GNA14: variants seen among roughly 807,000 people sequenced by gnomAD.
The protein encoded by GNA14 is guanine nucleotide-binding protein subunit alpha-14.
In GNA14, 50 loss-of-function variants were observed where a neutral mutation model predicts 42.0. The observed-to-expected ratio is 1.19, with a 90% CI of 0.95 to 1.51. The LOEUF (loss-of-function observed/expected upper bound fraction) is 1.51, where lower values mean the gene tolerates loss of function less well. GNA14 is among the 40% of genes most tolerant of loss of function. The pLI is 0.00. For missense variants in GNA14, 473 were observed against 446.2 expected, an observed-to-expected ratio of 1.06 and a Z score of -0.54; for synonymous variants, 173 against 163.1, an observed-to-expected ratio of 1.06 and a Z score of -0.46.
chr9:77,590,337 C>G (rs1014850619), intron 1 of GNA14, among the ~76,000 whole-genome samples: 1 of 152,192 alleles, frequency 6.6e-6, no homozygotes, highest in Non-Finnish European at 1.5e-5. Context: ...CTGAAGGGGA[C>G]TGATGTGTTC....
intron 2 of GNA14, among the ~76,000 whole-genome samples, chr9:77,480,916 G>A (rs554522079): frequency 1.1e-3 from 172 of 152,074 alleles, no homozygotes; most frequent in African/African-American, 3.8e-3. Flanking sequence ...TTTTTTTATT[G>A]CGTCTATTTG....
chr9:77,509,080 C>T (rs1837118986), intron 2 of GNA14, among the ~76,000 whole-genome samples: 1 of 152,150 alleles, frequency 6.6e-6, no homozygotes, highest in East Asian at 1.9e-4. Context: ...AAACTCTGTA[C>T]TCATTTGGTA....
At chr9:77,540,457 T>A (rs761163227) in intron 1 of GNA14, among the ~76,000 whole-genome samples, 33 of 152,286 alleles carry the variant, frequency 2.2e-4, no homozygotes, top group African/African-American at 7.9e-4. Context: ...AGTTGCTGGA[T>A]AAAATGTTTT....
intron 1 of GNA14, among the ~76,000 whole-genome samples, chr9:77,569,673 A>G (rs895970722): frequency 6.6e-6 from 1 of 152,120 alleles, no homozygotes; most frequent in African/African-American, 2.4e-5. Context: ...CCCGGGTTCA[A>G]TATTTCAGGG....
At chr9:77,450,613 G>A (rs936073939) in intron 2 of GNA14, among the ~76,000 whole-genome samples, 7 of 151,568 alleles carry the variant, frequency 4.6e-5, no homozygotes, top group Non-Finnish European at 8.8e-5. Context: ...ATCTGAGATC[G>A]AACAAGCTCT....
intron 2 of GNA14, chr9:77,517,992 T>C (rs1015756153): frequency 3.3e-5 from 5 of 152,130 alleles, no homozygotes; most frequent in South Asian, 2.1e-4. Flanking sequence ...ATGTATAACA[T>C]TGTACTTAAT....
intron 2 of GNA14, among the ~76,000 whole-genome samples, chr9:77,458,225 C>G (rs1338355137): frequency 6.6e-6 from 1 of 152,188 alleles, no homozygotes; most frequent in African/African-American, 2.4e-5. Context: ...TCTTAGGGAC[C>G]CGCTTCTTCC....
intron 1 of GNA14, among the ~76,000 whole-genome samples, chr9:77,567,772 C>T (rs571409893): frequency 1.3e-5 from 2 of 152,286 alleles, no homozygotes; most frequent in South Asian, 2.1e-4. Context: ...GAGGCTGAGA[C>T]AGGAGAATCG....
chr9:77,443,948 C>T (rs1835775621), intron 2 of GNA14, among the ~76,000 whole-genome samples: 1 of 152,156 alleles, frequency 6.6e-6, no homozygotes, highest in Non-Finnish European at 1.5e-5. Flanking sequence ...TGCTACTGCC[C>T]TCCAGCCTGA....
intron 1 of GNA14, among the ~76,000 whole-genome samples, chr9:77,563,533 T>A (rs1822917282): frequency 6.6e-6 from 1 of 152,268 alleles, no homozygotes; most frequent in South Asian, 2.1e-4. Flanking sequence ...AGGTCAAGTA[T>A]AAAATATGCC....
intron 2 of GNA14, among the ~76,000 whole-genome samples, chr9:77,443,214 T>G: frequency 6.6e-6 from 1 of 152,224 alleles, no homozygotes; most frequent in East Asian, 1.9e-4. Context: ...TACATTTTGA[T>G]GCATTCAAAA....
rs540803463 is a variant in GNA14 at position 77,476,719 on chromosome 9, C to G, written c.310-42197G>C. On this transcript the variant is annotated intron_variant, in intron 2 of 6. Coordinates refer to ENST00000341700, the MANE Select transcript of GNA14 (RefSeq NM_004297.4). Reference sequence around the variant, plus strand: ...AATTGGAACTATTGTGGAGGAGTAACAAGAAAATTTGAGAAAATGGAAAAG... The same window carrying G: ...AATTGGAACTATTGTGGAGGAGTAAGAAGAAAATTTGAGAAAATGGAAAAG... 2.6e-5 allele frequency among the ~76,000 whole-genome samples: 4 copies of G among 152,208 alleles called. No homozygotes were observed. The South Asian group carries it at 8.3e-4, about 32-fold the overall frequency.
At chr9:77,482,637 T>C (rs959602947) in intron 2 of GNA14, among the ~76,000 whole-genome samples, 2 of 152,312 alleles carry the variant, frequency 1.3e-5, no homozygotes, top group East Asian at 1.9e-4. Flanking sequence ...CTGGATAATA[T>C]CCTGCAGAGT....
intron 2 of GNA14, among the ~76,000 whole-genome samples, chr9:77,484,623 T>A (rs903113873): frequency 2.0e-5 from 3 of 152,204 alleles, no homozygotes; most frequent in African/African-American, 4.8e-5. Flanking sequence ...TATCTTGTAG[T>A]ACAGTTGTCC....
chr9:77,526,076 ATTT>A (rs34362442), intron 2 of GNA14, among the ~76,000 whole-genome samples: 150 of 125,104 alleles, frequency 1.2e-3, no homozygotes, highest in African/African-American at 4.0e-3. Flanking sequence ...TAATTTTTGT[ATTT>A]TTTTTTTTTT....
chr9:77,575,990 T>C (rs1200980226), intron 1 of GNA14, among the ~76,000 whole-genome samples: 1 of 152,252 alleles, frequency 6.6e-6, no homozygotes, highest in Admixed American at 6.5e-5. Flanking sequence ...CCGCTGGTGC[T>C]ATCCATGGTG....
At chr9:77,456,930 T>C (rs551232108) in intron 2 of GNA14, among the ~76,000 whole-genome samples, 27 of 152,328 alleles carry the variant, frequency 1.8e-4, no homozygotes, top group Non-Finnish European at 3.8e-4. Context: ...TTTACGTACT[T>C]ACCTAGGACC....
chr9:77,506,163 T>C (rs1837065260), intron 2 of GNA14, among the ~76,000 whole-genome samples: 1 of 151,496 alleles, frequency 6.6e-6, no homozygotes, highest in Non-Finnish European at 1.5e-5. Context: ...ATGCCTGTAG[T>C]ACTACCTACT....
At chr9:77,447,224 G>T (rs552077219) in intron 2 of GNA14, among the ~76,000 whole-genome samples, 10 of 152,102 alleles carry the variant, frequency 6.6e-5, no homozygotes, top group Non-Finnish European at 1.3e-4. Context: ...GATTACAGGC[G>T]TGAGCCACCA....
Sources: gnomAD v4.1 joint callset for allele counts (sites outside exome capture counted in the v4.1 genomes callset) on GRCh38, gnomAD v4.1.1 for gene constraint, MANE v1.5 for transcripts, NCBI Gene and HGNC (gene_info 2026-07-23, HGNC 2026-07-21) for gene names.